Variants in DTWD1 observed in about 807,000 individuals in gnomAD.
DTWD1 encodes the protein DTW motif tRNA-uridine aminocarboxypropyltransferase 1.
In DTWD1, 27 loss-of-function variants were observed where a neutral mutation model predicts 30.2. The observed-to-expected ratio is 0.90, with a 90% CI of 0.66 to 1.23. The LOEUF is 1.23. Among genes scored for constraint, DTWD1 ranks in the 50% most tolerant of loss-of-function variants. The pLI is 0.00. For missense variants in DTWD1, 342 were observed against 348.8 expected (o/e 0.98, Z 0.15); for synonymous variants, 99 against 113.1 (o/e 0.88, Z 0.79).
Position 49,648,722 on chromosome 15 carries a change from A to T in DTWD1, c.*5144A>T, listed in dbSNP as rs1013477612. 1 of 152,154 alleles carries T rather than the reference A, an allele frequency of 6.6e-6. No individual in the cohort carries two copies. Among genetic ancestry groups the T allele is most frequent in the African/African-American group, 2.4e-5 (1 of 41,438 alleles). The allele number at this position is 152,154 out of a possible 1,614,324, so 9.4% of individuals were successfully genotyped here. On this transcript the variant is annotated 3_prime_UTR_variant, in exon 5 of 5. Coordinates refer to ENST00000403028, the MANE Select transcript of DTWD1 (RefSeq NM_001144955.2). ...TATATATTACAGAATATTTTGTTTG[A>T]TGGAGAAAATTCACTGACCTGTGCT... is the stretch of plus-strand genomic sequence containing the variant.
chr15:49,646,325 A>G lies in DTWD1; in HGVS notation c.*2747A>G, dbSNP rs1311974040. On this transcript the variant is annotated 3_prime_UTR_variant, in exon 5 of 5. Coordinates refer to ENST00000403028, the MANE Select transcript of DTWD1 (RefSeq NM_001144955.2). ...TAGATATCTCATCTTTGGATGCATT[A>G]TCAGATCATCTTCTTCAAGTACCTT... is the stretch of plus-strand genomic sequence containing the variant. The G allele has an allele frequency of 6.6e-6, 1 of 152,190 alleles. No homozygotes were observed. The highest frequency in any genetic ancestry group is 1.5e-5 in the Non-Finnish European group (1 of 68,042). 9.4% of individuals were successfully genotyped at this position (152,190 alleles called of 1,614,324 possible).
chr15:49,639,985 A>G (rs1290785117), intron 4 of DTWD1, among the ~76,000 whole-genome samples: 3 of 152,174 alleles, frequency 2.0e-5, no homozygotes, highest in African/African-American at 7.2e-5. Flanking sequence ...ATATACACAC[A>G]CACACGTATA....
chr15:49,643,157 T>A (rs1474000444), intron 4 of DTWD1, among the ~76,000 whole-genome samples, 174 bp from the exon 5 acceptor site: 1 of 152,096 alleles, frequency 6.6e-6, no homozygotes, highest in Non-Finnish European at 1.5e-5. Flanking sequence ...CCTTGAGGTG[T>A]TTAAGAAAAT....
chr15:49,649,862 A>C lies in DTWD1; in HGVS notation c.*6284A>C, dbSNP rs894354092. The C allele has an allele frequency of 6.6e-6, 1 of 152,202 alleles. No homozygotes were observed. Among genetic ancestry groups the C allele is most frequent in the Non-Finnish European group, 1.5e-5 (1 of 68,040 alleles). 9.4% of individuals were successfully genotyped at this position (152,202 alleles called of 1,614,324 possible). ...TCAAATTATTGTCTAGGTGATGGCT[A>C]TAGCATGCCGAGGTAGTAAGTGCTA... On this transcript the variant is annotated 3_prime_UTR_variant, in exon 5 of 5. Transcript: ENST00000403028.
rs374228638 is a variant in DTWD1 at position 49,625,408 on chromosome 15, A to G, written c.241A>G (p.Ile81Val). The G allele has an allele frequency of 3.7e-6, 6 of 1,612,766 alleles. No individual in the cohort carries two copies. The highest frequency in any genetic ancestry group is 5.1e-6 in the Non-Finnish European group (6 of 1,179,304). Residue 81 changes from isoleucine (I) to valine (V), a missense_variant, in exon 2 of 5, where the codon ATT (isoleucine) becomes GTT (valine). Ile to Val is a conservative substitution (Grantham distance 29, BLOSUM62 3). Transcript: ENST00000403028. ...TTATGTTCCAGTTGAAAATGTACCT[A>G]TTGAACAGATTCCACTTGTGAAGGT... is the stretch of plus-strand genomic sequence containing the variant. Reference protein sequence around the residue: ...TCYVPVENVPIEQIPLVKLPL... With the variant: ...TCYVPVENVPVEQIPLVKLPL...
intron 1 of DTWD1, 37 bp from the exon 2 acceptor site, chr15:49,625,074 GTT>G (rs745558051): frequency 6.7e-5 from 85 of 1,260,908 alleles, no homozygotes; most frequent in Non-Finnish European, 8.8e-5. Flanking sequence ...AATGTTTTCT[GTT>G]TTTATTTTTC....
intron 4 of DTWD1, among the ~76,000 whole-genome samples, chr15:49,638,337 G>A (rs2079026980): frequency 6.6e-6 from 1 of 152,148 alleles, no homozygotes; most frequent in African/African-American, 2.4e-5. Flanking sequence ...CACATGGAAA[G>A]TATCATATAT....
chr15:49,643,560 A>T lies in DTWD1; in HGVS notation c.897A>T (p.Thr299=). Residue 299 remains threonine, a synonymous_variant, in exon 5 of 5, where the codon ACA becomes ACT. Transcript: ENST00000403028. The stretch of plus-strand genomic sequence containing the variant: ...CCAAATGCTCTGGAGATAAGGAAAC[A>T]GGAAAACTTACACATTAGTTTTTAA... The part of the protein sequence containing the change: ...KNAKCSGDKE[T]GKLTH The T allele has an allele frequency of 1.3e-6, 2 of 1,595,388 alleles. No individual in the cohort carries two copies. The highest frequency in any genetic ancestry group is 1.7e-6 in the Non-Finnish European group (2 of 1,173,790).
intron 4 of DTWD1, among the ~76,000 whole-genome samples, chr15:49,639,617 A>G (rs1422403153): frequency 2.0e-5 from 3 of 152,222 alleles, no homozygotes; most frequent in African/African-American, 7.2e-5. Flanking sequence ...ACTGATTGTT[A>G]GAAATACTAG....
In DTWD1 at chr15:49,654,814, G is replaced by A. The variant is rs146928118; in HGVS notation, c.*11236G>A. The A allele has an allele frequency of 8.5e-5, 13 of 152,152 alleles. No homozygotes were observed. The East Asian group carries it at 2.5e-3, about 29-fold the overall frequency. 9.4% of individuals were successfully genotyped at this position (152,152 alleles called of 1,614,324 possible). A position where few individuals can be genotyped will look rare whatever the true frequency, so the allele number is the denominator to read the frequency against. ...TAACAAAAAATATCATAGATTGAGTGACTTAAACAACAGAAATTTATATCT... is the reference window on the plus strand; with the variant it reads ...TAACAAAAAATATCATAGATTGAGTAACTTAAACAACAGAAATTTATATCT... On this transcript the variant is annotated 3_prime_UTR_variant, in exon 5 of 5. Coordinates refer to ENST00000403028, the MANE Select transcript of DTWD1 (RefSeq NM_001144955.2).
chr15:49,641,877 T>G (rs2079069188), intron 4 of DTWD1, among the ~76,000 whole-genome samples: 1 of 152,142 alleles, frequency 6.6e-6, no homozygotes, highest in Non-Finnish European at 1.5e-5. Context: ...TCTTTGGTGT[T>G]TTTCAGTTAA....
chr15:49,642,018 G>A (rs531700233), intron 4 of DTWD1, among the ~76,000 whole-genome samples: 81 of 152,006 alleles, frequency 5.3e-4, no homozygotes, highest in Admixed American at 3.1e-3. Context: ...CTCTTTAACC[G>A]CTCCCTCTCT....
At chr15:49,624,036 G>A (rs1486941859) in intron 1 of DTWD1, among the ~76,000 whole-genome samples, 2 of 143,182 alleles carry the variant, frequency 1.4e-5, no homozygotes, top group African/African-American at 5.0e-5. Context: ...CAAACTCACT[G>A]GGACTTACAA....
rs9920705 is a variant in DTWD1, at chr15:49,648,560, A to T, written c.*4982A>T. The T allele has an allele frequency of 0.18, 27,917 of 152,234 alleles. 3,148 individuals are homozygous for T. The highest frequency in any genetic ancestry group is 0.25 in the Non-Finnish European group (16,909 of 67,998). The allele number at this position is 152,234 out of a possible 1,614,324, so 9.4% of individuals were successfully genotyped here. On this transcript the variant is annotated 3_prime_UTR_variant, in exon 5 of 5. Transcript: ENST00000403028. ...TCAAGTGATCCTGCCTTTGCTTCCCAAAGTGCTGGGATTAACAGGCCTGAG... is the reference window on the plus strand; with the variant it reads ...TCAAGTGATCCTGCCTTTGCTTCCCTAAGTGCTGGGATTAACAGGCCTGAG...
Position 49,634,679 on chromosome 15 carries a change from A to G in DTWD1, c.552A>G (p.Gln184=), listed in dbSNP as rs1302427153. ...PSFKRKRTEE[Q]EFCDLNDSKC... ...TTAAACGCAAAAGAACTGAAGAACA[A>G]GAGTTCTGTGATTTGAATGACAGCA... is the stretch of plus-strand genomic sequence containing the variant. The change falls in exon 4 of 5, where the codon CAA becomes CAG. Residue 184 remains glutamine, a synonymous_variant. Transcript: ENST00000403028. 7 of 1,613,684 alleles carry G rather than the reference A, an allele frequency of 4.3e-6. No individual in the cohort carries two copies. Among genetic ancestry groups the G allele is most frequent in the African/African-American group, 2.7e-5 (2 of 74,930 alleles).
chr15:49,640,504 T>G (rs2079053544), intron 4 of DTWD1, among the ~76,000 whole-genome samples: 1 of 152,134 alleles, frequency 6.6e-6, no homozygotes, highest in African/African-American at 2.4e-5. Flanking sequence ...TACAGGATAA[T>G]GCCAAATTGT....
At chr15:49,638,043 C>CTG (rs2079023666) in intron 4 of DTWD1, among the ~76,000 whole-genome samples, 1 of 152,176 alleles carries the variant, frequency 6.6e-6, no homozygotes, top group Non-Finnish European at 1.5e-5. Flanking sequence ...AGCCCTAAGG[C>CTG]TGTGCTCTTT....
intron 2 of DTWD1, 125 bp from the exon 3 acceptor site, chr15:49,632,034 T>G (rs2078927184): frequency 1.1e-6 from 1 of 913,962 alleles, no homozygotes; most frequent in African/African-American, 1.7e-5. Context: ...GGTATATCTT[T>G]TAAACCATAT....
chr15:49,648,174 T>A lies in DTWD1; in HGVS notation c.*4596T>A, dbSNP rs2079131884. 1 of 152,292 alleles carries A rather than the reference T, an allele frequency of 6.6e-6. No homozygotes were observed. Among genetic ancestry groups the A allele is most frequent in the Non-Finnish European group, 1.5e-5 (1 of 68,030 alleles). The allele number at this position is 152,292 out of a possible 1,614,324, so 9.4% of individuals were successfully genotyped here. A position where few individuals can be genotyped will look rare whatever the true frequency, so the allele number is the denominator to read the frequency against. On this transcript the variant is annotated 3_prime_UTR_variant, in exon 5 of 5. Coordinates refer to ENST00000403028, the MANE Select transcript of DTWD1 (RefSeq NM_001144955.2). The stretch of plus-strand genomic sequence containing the variant: ...TTAAGTTTACAAAAAATAATGAGCA[T>A]TAGGTAGATGGAATGAAAGTCTATT...
Sources: gnomAD v4.1 joint callset for allele counts (sites outside exome capture counted in the v4.1 genomes callset) on GRCh38, gnomAD v4.1.1 for gene constraint, MANE v1.5 for transcripts, NCBI Gene and HGNC (gene_info 2026-07-23, HGNC 2026-07-21) for gene names.